The following FREM2 variants were observed in gnomAD, a reference collection of about 807,000 sequenced individuals.
FREM2 encodes FRAS1 related extracellular matrix 2, also known as FRAS1-related extracellular matrix protein 2.
Under a neutral mutation model 219.9 loss-of-function variants are expected in FREM2, and 119 were observed. The observed-to-expected ratio is 0.54, with a 90% confidence interval of 0.47 to 0.63. The LOEUF (loss-of-function observed/expected upper bound fraction) is 0.63, where lower values mean the gene tolerates loss of function less well. FREM2 is among the 30% of genes least tolerant of loss of function. FREM2 has a pLI of 0.00. For missense variants in FREM2, 4,030 were observed against 3,993.6 expected (o/e 1.01, Z -0.25); for synonymous variants, 1,562 against 1,522.8 (o/e 1.03, Z -0.60).
At chr13:38,839,833 C>A (rs1238061106) in intron 6 of FREM2, among the ~76,000 whole-genome samples, 1 of 152,160 alleles carries the variant, frequency 6.6e-6, no homozygotes, top group East Asian at 1.9e-4. Context: ...CCCAGGTTGA[C>A]TTCAGTCTGC....
chr13:38,824,676 G>C (rs149644393), intron 6 of FREM2, among the ~76,000 whole-genome samples: 2 of 151,980 alleles, frequency 1.3e-5, no homozygotes, highest in Admixed American at 6.6e-5. Flanking sequence ...GGGGCCACAG[G>C]AGCCACCAGT....
In FREM2 at chr13:38,696,888, A is replaced by G. The variant is rs566685029; in HGVS notation, c.5174-810A>G. On this transcript the variant is annotated intron_variant, in intron 1 of 23. Transcript: ENST00000280481. ...AGTGGTGCGACCTCAGCTCACTGCA[A>G]CCTTTGCCTCCCAGGCTCAAGCAAT... Among the ~76,000 whole-genome samples, 127 of 151,768 alleles carry G rather than the reference A, an allele frequency of 8.4e-4. 1 individual carries two copies. Among genetic ancestry groups the G allele is most frequent in the South Asian group, 2.7e-3 (13 of 4,792 alleles).
intron 18 of FREM2, among the ~76,000 whole-genome samples, chr13:38,875,564 TCTAA>T (rs1387462578): frequency 6.6e-6 from 1 of 152,228 alleles, no homozygotes; most frequent in African/African-American, 2.4e-5. Flanking sequence ...TTGCAGGCAA[TCTAA>T]CTAAAATCAG....
At chr13:38,843,890 GT>G (rs34853552) in intron 6 of FREM2, among the ~76,000 whole-genome samples, 18,750 of 147,656 alleles carry the variant, frequency 0.13, 1,381 homozygotes, top group Admixed American at 0.21. Flanking sequence ...AGTTAGCAGA[GT>G]TTTTTTTTTT....
At position 38,764,350 on chromosome 13, in the gene FREM2, G is replaced by T. The variant is rs1227542140; in HGVS notation, c.5310G>T (p.Trp1770Cys). The change falls in exon 3 of 24, where the codon TGG becomes TGT. Residue 1770 changes from tryptophan (W) to cysteine (C), a missense_variant. Trp to Cys is a radical substitution (Grantham distance 215, BLOSUM62 -2). Transcript: ENST00000280481. Reference sequence around the variant, plus strand: ...AGAATTTTCGTCTGAATTGGGCATGGATCTCCTTTGAAAAGGAATATTACC... The same window carrying T: ...AGAATTTTCGTCTGAATTGGGCATGTATCTCCTTTGAAAAGGAATATTACC... ...TYQNFRLNWA[W>C]ISFEKEYYLV... 6.2e-7 allele frequency: 1 copy of T among 1,609,434 alleles called. No homozygotes were observed. The highest frequency in any genetic ancestry group is 2.2e-5 in the East Asian group (1 of 44,772).
Position 38,807,189 on chromosome 13 carries a change from T to TATATATATATATATATATATATATA in FREM2, c.6019+22381_6019+22382insATATATATATATATATATATATATA, listed in dbSNP as rs1555268805. Among the ~76,000 whole-genome samples, 4 of 45,376 alleles carry TATATATATATATATATATATATATA rather than the reference T, an allele frequency of 8.8e-5. 2 individuals are homozygous for TATATATATATATATATATATATATA. The highest frequency in any genetic ancestry group is 1.8e-4 in the Non-Finnish European group (4 of 22,420). The allele number at this position is 45,376 out of a possible 152,430, so 29.8% of individuals were successfully genotyped here. On this transcript the variant is annotated intron_variant, in intron 6 of 23. Coordinates refer to ENST00000280481, the MANE Select transcript of FREM2 (RefSeq NM_207361.6). ...CCTTTTTGCAGAGATCTTGTCTCTG[T>TATATATATATATATATATATATATA]TATATATATATATATATATATATAT...
At chr13:38,768,584 T>C (rs1162743531) in intron 3 of FREM2, among the ~76,000 whole-genome samples, 2 of 152,146 alleles carry the variant, frequency 1.3e-5, no homozygotes, top group Non-Finnish European at 2.9e-5. Flanking sequence ...GCCTTATTTT[T>C]CCAACTCTTT....
intron 6 of FREM2, among the ~76,000 whole-genome samples, chr13:38,845,884 G>C (rs1359475296): frequency 6.6e-6 from 1 of 152,120 alleles, no homozygotes; most frequent in Non-Finnish European, 1.5e-5. Flanking sequence ...CCCTAGTTTA[G>C]TGACTGAATT....
intron 2 of FREM2, among the ~76,000 whole-genome samples, chr13:38,747,185 A>G (rs1872519202): frequency 2.0e-5 from 3 of 152,052 alleles, no homozygotes; most frequent in African/African-American, 7.2e-5. Context: ...CCACAGTCTC[A>G]CTCACTTTGT....
rs544070855 is a variant in FREM2, at chr13:38,688,471, G to T, written c.1127G>T (p.Arg376Leu). Residue 376 changes from arginine to leucine, a missense_variant, in exon 1 of 24, where the codon CGC becomes CTC. Arg to Leu is a moderately radical substitution (Grantham distance 102, BLOSUM62 -2). This residue lies in a region of FREM2 where 3,102 missense variants were observed against 2,950.7 expected (regional missense o/e 1.05). Coordinates refer to ENST00000280481, the MANE Select transcript of FREM2 (RefSeq NM_207361.6). ...GQGYLVSTDD[R>L]SLPLSSFTQR... Reference sequence around the variant, plus strand: ...GGCTACTTGGTGAGCACCGATGATCGCAGCCTGCCCCTTTCCTCCTTCACT... The same window carrying T: ...GGCTACTTGGTGAGCACCGATGATCTCAGCCTGCCCCTTTCCTCCTTCACT... 6.2e-7 allele frequency: 1 copy of T among 1,614,022 alleles called. No individual in the cohort carries two copies. The highest frequency in any genetic ancestry group is 1.1e-5 in the South Asian group (1 of 91,070).
intron 6 of FREM2, among the ~76,000 whole-genome samples, chr13:38,816,142 C>A (rs1309060185): frequency 2.0e-5 from 3 of 152,166 alleles, no homozygotes; most frequent in Non-Finnish European, 4.4e-5. Flanking sequence ...CAGCTGAATT[C>A]TACCAAACAT....
intron 2 of FREM2, among the ~76,000 whole-genome samples, chr13:38,731,163 G>A (rs1262898563): frequency 6.6e-6 from 1 of 152,088 alleles, no homozygotes; most frequent in Non-Finnish European, 1.5e-5. Context: ...TTCAGACATT[G>A]CAAAGTCTAT....
intron 2 of FREM2, among the ~76,000 whole-genome samples, chr13:38,748,531 G>A (rs1050449811): frequency 2.0e-5 from 3 of 152,200 alleles, no homozygotes; most frequent in Non-Finnish European, 4.4e-5. Flanking sequence ...ATTATGCGCT[G>A]TAGATCAGAG....
chr13:38,832,645 C>A (rs9548469), intron 6 of FREM2, among the ~76,000 whole-genome samples: 37,596 of 151,796 alleles, frequency 0.25, 6,196 homozygotes, highest in African/African-American at 0.46. Flanking sequence ...GCAGAAAAAC[C>A]CACAAACAAT....
At chr13:38,741,644 T>C (rs1326909358) in intron 2 of FREM2, among the ~76,000 whole-genome samples, 1 of 152,200 alleles carries the variant, frequency 6.6e-6, no homozygotes, top group African/African-American at 2.4e-5. Flanking sequence ...ATAACTTTAA[T>C]AGCACTTTAG....
intron 2 of FREM2, among the ~76,000 whole-genome samples, chr13:38,711,760 A>G (rs944838527): frequency 1.3e-5 from 2 of 152,180 alleles, no homozygotes; most frequent in African/African-American, 4.8e-5. Flanking sequence ...TTTTCTATGG[A>G]AAAACTGAAG....
chr13:38,709,149 A>G (rs1870659351), intron 2 of FREM2, among the ~76,000 whole-genome samples: 1 of 152,180 alleles, frequency 6.6e-6, no homozygotes, highest in African/African-American at 2.4e-5. Flanking sequence ...CTGCCTACTC[A>G]GGATTCCTGC....
At chr13:38,814,652 T>A (rs1480771953) in intron 6 of FREM2, among the ~76,000 whole-genome samples, 1 of 152,164 alleles carries the variant, frequency 6.6e-6, no homozygotes, top group Non-Finnish European at 1.5e-5. Context: ...CACTTCAGAA[T>A]GGCAAGTTTC....
intron 2 of FREM2, among the ~76,000 whole-genome samples, chr13:38,741,390 A>T (rs1405634646): frequency 1.3e-5 from 2 of 152,146 alleles, no homozygotes; most frequent in African/African-American, 4.8e-5. Flanking sequence ...CAAGTCACAA[A>T]CCACCAGAAT....
Sources: gnomAD v4.1 joint callset for allele counts (sites outside exome capture counted in the v4.1 genomes callset) on GRCh38, gnomAD v4.1.1 for gene constraint, gnomAD v4.1.1 regional missense constraint, MANE v1.5 for transcripts, NCBI Gene and HGNC (gene_info 2026-07-23, HGNC 2026-07-21) for gene names.